SLIT2: variants seen among roughly 807,000 people sequenced by gnomAD.
SLIT2 encodes slit homolog 2 protein.
A neutral mutation model predicts 185.7 loss-of-function variants in SLIT2; 41 were observed. The ratio of observed to expected loss-of-function variants is 0.22; its 90% CI spans 0.17 to 0.29. The LOEUF (loss-of-function observed/expected upper bound fraction) is 0.29, where lower values mean the gene tolerates loss of function less well. SLIT2 is among the 10% of genes least tolerant of loss of function. The pLI is 1.00. For missense variants in SLIT2, 1,571 were observed against 1,909.0 expected (o/e 0.82, Z 3.30); for synonymous variants, 693 against 680.2 (o/e 1.02, Z -0.29).
intron 3 of SLIT2, among the ~76,000 whole-genome samples, chr4:20,259,466 A>G (rs1433382618): frequency 9.9e-5 from 15 of 151,796 alleles, no homozygotes; most frequent in Admixed American, 9.2e-4. Context: ...CTTCCAAACC[A>G]TTGAAGGAGT....
At chr4:20,599,502 A>G (rs903014213) in intron 33 of SLIT2, among the ~76,000 whole-genome samples, 3 of 152,222 alleles carry the variant, frequency 2.0e-5, no homozygotes, top group East Asian at 3.8e-4. Flanking sequence ...AAATTTTTAC[A>G]TAAGTATTAT....
At chr4:20,605,999 T>C (rs11729598) in intron 33 of SLIT2, among the ~76,000 whole-genome samples, 29,779 of 151,982 alleles carry the variant, frequency 0.2, 3,033 homozygotes, top group African/African-American at 0.26. Flanking sequence ...TCCGCCCATC[T>C]TGGCCTCCCA....
At chr4:20,434,436 A>G (rs1729213516) in intron 4 of SLIT2, among the ~76,000 whole-genome samples, 2 of 152,184 alleles carry the variant, frequency 1.3e-5, no homozygotes. Flanking sequence ...TGGTGAGCCA[A>G]GATCGCACCA....
At chr4:20,603,527 C>CT (rs922367004) in intron 33 of SLIT2, among the ~76,000 whole-genome samples, 5 of 152,072 alleles carry the variant, frequency 3.3e-5, no homozygotes, top group East Asian at 1.9e-4. Flanking sequence ...AAAACATAAA[C>CT]TTTTTTTAAC....
At chr4:20,469,745 T>C (rs34983577) in intron 5 of SLIT2, among the ~76,000 whole-genome samples, 1 of 141,600 alleles carries the variant, frequency 7.1e-6, no homozygotes, top group Non-Finnish European at 1.5e-5. Flanking sequence ...TAAGCCTTAG[T>C]TTTTACTTTT....
intron 25 of SLIT2, among the ~76,000 whole-genome samples, chr4:20,551,388 G>A (rs1348515476): frequency 6.6e-6 from 1 of 152,174 alleles, no homozygotes; most frequent in East Asian, 1.9e-4. Flanking sequence ...GTAAGACACA[G>A]CCAAATACTT....
chr4:20,432,881 GCA>G (rs1327724271), intron 4 of SLIT2, among the ~76,000 whole-genome samples: 2 of 152,160 alleles, frequency 1.3e-5, no homozygotes, highest in Non-Finnish European at 2.9e-5. Context: ...GCTCTAATTT[GCA>G]CAGTTTTCAC....
At chr4:20,397,250 C>G (rs1725971436) in intron 4 of SLIT2, among the ~76,000 whole-genome samples, 1 of 151,778 alleles carries the variant, frequency 6.6e-6, no homozygotes, top group African/African-American at 2.4e-5. Context: ...CTAACTTTCA[C>G]AAAATCATTC....
intron 4 of SLIT2, among the ~76,000 whole-genome samples, chr4:20,452,638 A>G (rs1490900442): frequency 6.6e-6 from 1 of 151,894 alleles, no homozygotes; most frequent in Non-Finnish European, 1.5e-5. Flanking sequence ...TTCCTAGGAT[A>G]TGGCCTGGGT....
In SLIT2 at chr4:20,488,880, C is replaced by T. The variant is rs767628989; in HGVS notation, c.673C>T (p.Arg225Cys). ...CHLAWLSDWL[R>C]QRPRVGLYTQ... ...CCTGGCCTGGCTCTCCGACTGGCTT[C>T]GCCAAAGGCCTCGGGTTGGTCTGTA... The change falls in exon 8 of 37, where the codon CGC (arginine) becomes TGC (cysteine). Residue 225 changes from arginine to cysteine, a missense_variant. This residue lies in a region of SLIT2 where 1,202 missense variants were observed against 1,416.4 expected (regional missense o/e 0.85). Coordinates refer to ENST00000504154, the MANE Select transcript of SLIT2 (RefSeq NM_004787.4). 5 of 1,611,972 alleles carry T rather than the reference C, an allele frequency of 3.1e-6. No homozygotes were observed. The highest frequency in any genetic ancestry group is 1.1e-5 in the South Asian group (1 of 90,900).
intron 16 of SLIT2, among the ~76,000 whole-genome samples, chr4:20,531,051 C>T (rs1215545702): frequency 1.3e-5 from 2 of 151,902 alleles, no homozygotes; most frequent in African/African-American, 4.8e-5. Flanking sequence ...TGTAAAGCTT[C>T]TATGGAAATC....
At chr4:20,563,819 T>C (rs1724881972) in intron 26 of SLIT2, among the ~76,000 whole-genome samples, 1 of 151,798 alleles carries the variant, frequency 6.6e-6, no homozygotes, top group South Asian at 2.1e-4. Context: ...GTGTCAGTAC[T>C]TGCCGTAATT....
chr4:20,555,793 A>T (rs575242492), intron 26 of SLIT2, among the ~76,000 whole-genome samples: 9 of 152,150 alleles, frequency 5.9e-5, no homozygotes, highest in African/African-American at 2.2e-4. Context: ...TGGAATCTAA[A>T]TATCAGAGCT....
intron 4 of SLIT2, among the ~76,000 whole-genome samples, chr4:20,321,919 C>T (rs73106744): frequency 6.6e-6 from 1 of 152,064 alleles, no homozygotes; most frequent in African/African-American, 2.4e-5. Context: ...TGAACATCAT[C>T]TGGGAATTGT....
intron 29 of SLIT2, among the ~76,000 whole-genome samples, chr4:20,576,971 G>A (rs1177736582): frequency 6.7e-6 from 1 of 149,692 alleles, no homozygotes; most frequent in South Asian, 2.1e-4. Flanking sequence ...TTTATTTGGA[G>A]AGGTAAGTTT....
intron 4 of SLIT2, among the ~76,000 whole-genome samples, chr4:20,309,651 C>T (rs1302819163): frequency 1.3e-5 from 2 of 151,630 alleles, no homozygotes; most frequent in Non-Finnish European, 2.9e-5. Context: ...AATACCTGAT[C>T]TTTAAATTAA....
At chr4:20,486,069 TTC>T in intron 6 of SLIT2, 129 bp from the exon 7 acceptor site, 1 of 652,370 alleles carries the variant, frequency 1.5e-6, no homozygotes, top group Non-Finnish European at 2.8e-6. Context: ...GAGTAGTGCA[TTC>T]TCTATGTCAT....
At chr4:20,448,087 T>A (rs1355180019) in intron 4 of SLIT2, among the ~76,000 whole-genome samples, 1 of 152,188 alleles carries the variant, frequency 6.6e-6, no homozygotes, top group Non-Finnish European at 1.5e-5. Flanking sequence ...CATGTGTCAG[T>A]CTATTTCTAA....
intron 36 of SLIT2, 80 bp downstream of exon 36, chr4:20,617,730 A>T: frequency 4.2e-6 from 3 of 722,748 alleles, no homozygotes; most frequent in Non-Finnish European, 6.3e-6. Context: ...AGGGAGAAAA[A>T]GTGAAAAAAA....
Sources: gnomAD v4.1 joint callset for allele counts (sites outside exome capture counted in the v4.1 genomes callset) on GRCh38, gnomAD v4.1.1 for gene constraint, gnomAD v4.1.1 regional missense constraint, MANE v1.5 for transcripts, NCBI Gene and HGNC (gene_info 2026-07-23, HGNC 2026-07-21) for gene names.